Variants in PSD observed in about 807,000 individuals in gnomAD.
PSD encodes PH and SEC7 domain-containing protein 1.
In PSD, 32 loss-of-function variants were observed where a neutral mutation model predicts 91.6. That is an observed-to-expected ratio of 0.35 (90% confidence interval 0.26 to 0.47). The LOEUF is 0.47. Among genes scored for constraint, PSD ranks in the 20% least tolerant of loss-of-function variants. The probability of loss-of-function intolerance (pLI) is 1.00; values close to 1 mark genes in which losing one functional copy is unlikely to be tolerated. For synonymous variants in PSD, 532 were observed against 569.3 expected, an observed-to-expected ratio of 0.93 and a Z score of 0.93; for missense variants, 1,099 against 1,373.9, an observed-to-expected ratio of 0.80 and a Z score of 3.16.
rs201058335 is a variant in PSD at position 102,403,252 on chromosome 10, C to T, written c.3023G>A (p.Arg1008His). ...CCCTGGCCGAGGCTCTGAGCTGTGA[C>T]GCTGAGCCCGGGGCTGGCTGGAGGG... is the stretch of plus-strand genomic sequence containing the variant. ...PKPSSQPRAQ[R>H]HSSEPRPGAG... The change falls in exon 17 of 17, where the codon CGT becomes CAT. Residue 1008 changes from arginine (R) to histidine (H), a missense_variant. Physicochemically the swap from Arg to His is conservative, Grantham distance 29 (BLOSUM62 0). Transcript: ENST00000020673. This position sits in a 1 kb window ranked among gnomAD's most constrained non-coding sequence, Gnocchi z 6.7. 3.8e-5 allele frequency: 61 copies of T among 1,606,564 alleles called. No individual in the cohort carries two copies. Among genetic ancestry groups the T allele is most frequent in the Non-Finnish European group, 5.1e-5 (60 of 1,175,200 alleles).
Position 102,416,835 on chromosome 10 carries a change from T to C in PSD, c.204A>G (p.Thr68=), listed in dbSNP as rs1164160936. The C allele has an allele frequency of 6.3e-7, 1 of 1,599,252 alleles. No homozygotes were observed. The highest frequency in any genetic ancestry group is 8.5e-7 in the Non-Finnish European group (1 of 1,172,906). ...GGGGTGAGGGGGGGCCACGCAGAGG[T>C]GTACAGGGTGCTGTCACACGTCCCA... ...RELGRVTAPC[T]PLRGPPSPRV... Residue 68 remains threonine (T), a synonymous_variant, in exon 2 of 17, where the codon ACA becomes ACG. Transcript: ENST00000020673. The surrounding 1 kb of genome is among the most constrained non-coding windows in gnomAD (Gnocchi z 6.0).
chr10:102,403,185 A>G lies in PSD; in HGVS notation c.*15T>C, dbSNP rs2061304859. Reference sequence around the variant, plus strand: ...TTCAGGTGCCCAGCAGGCACTCCCCACCCTAAACCTCATCTCAGGGCTTCC... The same window carrying G: ...TTCAGGTGCCCAGCAGGCACTCCCCGCCCTAAACCTCATCTCAGGGCTTCC... On this transcript the variant is annotated 3_prime_UTR_variant, in exon 17 of 17. Coordinates refer to ENST00000020673, the MANE Select transcript of PSD (RefSeq NM_002779.5). This position sits in a 1 kb window ranked among gnomAD's most constrained non-coding sequence, Gnocchi z 6.7. 2 of 1,488,522 alleles carry G rather than the reference A, an allele frequency of 1.3e-6. No individual in the cohort carries two copies. Among genetic ancestry groups the G allele is most frequent in the East Asian group, 2.4e-5 (1 of 40,868 alleles). The allele number at this position is 1,488,522 out of a possible 1,614,324, so 92.2% of individuals were successfully genotyped here. A position where few individuals can be genotyped will look rare whatever the true frequency, so the allele number is the denominator to read the frequency against.
chr10:102,418,355 G>A (rs1266103601), intron 1 of PSD, among the ~76,000 whole-genome samples: 1 of 152,078 alleles, frequency 6.6e-6, no homozygotes, highest in African/African-American at 2.4e-5. Flanking sequence ...AGGTCCAGGT[G>A]TATCAGACAC....
rs2061420482 is a variant in PSD at position 102,411,112 on chromosome 10, G to A, written c.1947C>T (p.Gly649=). The change falls in exon 9 of 17, where the codon GGC becomes GGT. Residue 649 remains glycine, a synonymous_variant. Coordinates refer to ENST00000020673, the MANE Select transcript of PSD (RefSeq NM_002779.5). Reference sequence around the variant, plus strand: ...TGAGCGCACAGGTCAGCGTGTGGGCGCCGTCTAGGGGAGAGCTGACTTTCA... The same window carrying A: ...TGAGCGCACAGGTCAGCGTGTGGGCACCGTCTAGGGGAGAGCTGACTTTCA... ...CNPEALSSED[G]AHTLTCALML... The A allele has an allele frequency of 1.9e-6, 3 of 1,607,998 alleles. No homozygotes were observed. The South Asian group carries it at 3.3e-5, about 18-fold the overall frequency.
chr10:102,407,301 G>A (rs769800499), intron 10 of PSD, 35 bp from the exon 11 acceptor site: 1 of 1,448,306 alleles, frequency 6.9e-7, no homozygotes, highest in Non-Finnish European at 9.4e-7. Context: ...GGGGGTTGTG[G>A]GTCAGTACCG....
At chr10:102,407,479 C>G (rs2061375758) in intron 10 of PSD, among the ~76,000 whole-genome samples, 1 of 152,192 alleles carries the variant, frequency 6.6e-6, no homozygotes, top group African/African-American at 2.4e-5. Context: ...TGGAGAGGAA[C>G]AAACGTAGTA....
chr10:102,415,275 C>A, intron 3 of PSD, 46 bp from the exon 4 acceptor site: 1 of 1,541,224 alleles, frequency 6.5e-7, no homozygotes, highest in Non-Finnish European at 8.8e-7. Flanking sequence ...TCCACGTCAG[C>A]TCCCTGTCCT....
rs1344049857 is a variant in PSD at position 102,416,705 on chromosome 10, T to C, written c.334A>G (p.Arg112Gly). The change falls in exon 2 of 17, where the codon AGG becomes GGG. Residue 112 changes from arginine (R) to glycine (G), a missense_variant. Around this residue, in one of 3 missense-constraint regions of PSD, gnomAD observed 631 missense variants for 728.8 expected, o/e 0.87. Transcript: ENST00000020673. This position sits in a 1 kb window ranked among gnomAD's most constrained non-coding sequence, Gnocchi z 6.0. ...IFRFVEKASV[R>G]PLNGLPAPGG... ...GGAGCAGGTAGCCCATTCAGTGGCC[T>C]CACACTGGCCTTCTCCACAAAGCGG... 6.2e-7 allele frequency: 1 copy of C among 1,603,454 alleles called. No homozygotes were observed. The highest frequency in any genetic ancestry group is 1.7e-5 in the Admixed American group (1 of 58,452).
Position 102,416,907 on chromosome 10 carries a change from G to A in PSD, c.132C>T (p.Gly44=). The change falls in exon 2 of 17, where the codon GGC becomes GGT. Residue 44 remains glycine, a synonymous_variant. Transcript: ENST00000020673. This position sits in a 1 kb window ranked among gnomAD's most constrained non-coding sequence, Gnocchi z 6.0. Reference sequence around the variant, plus strand: ...GACCTGCCACTCGCCGTAGCAAGGAGCCTGTGCTGCCATACATGCTGGCTG... The same window carrying A: ...GACCTGCCACTCGCCGTAGCAAGGAACCTGTGCTGCCATACATGCTGGCTG... ...SPPASMYGST[G]SLLRRVAGPG... 1 of 1,607,920 alleles carries A rather than the reference G, an allele frequency of 6.2e-7. No individual in the cohort carries two copies. The highest frequency in any genetic ancestry group is 1.7e-4 in the Middle Eastern group (1 of 6,012).
Position 102,414,328 on chromosome 10 carries a change from A to C in PSD, c.1125-131T>G. The C allele has an allele frequency of 4.3e-6, 4 of 922,978 alleles. No homozygotes were observed. The highest frequency in any genetic ancestry group is 6.4e-6 in the Non-Finnish European group (4 of 623,118). The allele number at this position is 922,978 out of a possible 1,614,324, so 57.2% of individuals were successfully genotyped here. A position where few individuals can be genotyped will look rare whatever the true frequency, so the allele number is the denominator to read the frequency against. ...TTTCACTGGCTCCAGCCCACTAACA[A>C]AAAAGAGCCTCTAGGGTAGGGCGCC... On this transcript the variant is annotated intron_variant, in intron 4 of 16. Transcript: ENST00000020673. The surrounding 1 kb of genome is among the most constrained non-coding windows in gnomAD (Gnocchi z 5.6).
At position 102,403,375 on chromosome 10, in the gene PSD, C is replaced by A. The variant is rs767005381; in HGVS notation, c.2900G>T (p.Ser967Ile). 6.2e-7 allele frequency: 1 copy of A among 1,613,918 alleles called. No homozygotes were observed. The highest frequency in any genetic ancestry group is 8.5e-7 in the Non-Finnish European group (1 of 1,180,022). ...ALLRVKLKAG[S>I]EELDAVEAAL... The stretch of plus-strand genomic sequence containing the variant: ...TGCCTCCACTGCATCCAGCTCCTCA[C>A]TGCCTGCCTTCAGCTTGACCCGAAG... The change falls in exon 17 of 17, where the codon AGT (serine) becomes ATT (isoleucine). Residue 967 changes from serine to isoleucine, a missense_variant. By Grantham distance (142) the Ser-to-Ile change is moderately radical (BLOSUM62 -2). Coordinates refer to ENST00000020673, the MANE Select transcript of PSD (RefSeq NM_002779.5). The surrounding 1 kb of genome is among the most constrained non-coding windows in gnomAD (Gnocchi z 6.7).
At chr10:102,417,404 C>G (rs759500737) in intron 1 of PSD, among the ~76,000 whole-genome samples, 21 of 152,064 alleles carry the variant, frequency 1.4e-4, no homozygotes, top group African/African-American at 5.1e-4. Context: ...TGAGTGAGCC[C>G]GGAGTTCTTA....
rs550175438 is a variant in PSD, at chr10:102,404,131, G to C, written c.2701-146C>G. 2.1e-6 allele frequency: 2 copies of C among 944,068 alleles called. No individual in the cohort carries two copies. Among genetic ancestry groups the C allele is most frequent in the Non-Finnish European group, 3.0e-6 (2 of 664,262 alleles). 58.5% of individuals were successfully genotyped at this position (944,068 alleles called of 1,614,324 possible). ...TGGGAGGCCAAGGCGGGCGGATCAC[G>C]AGGTCAGGAGATCGAGACCATCCTG... On this transcript the variant is annotated intron_variant, in intron 15 of 16. Coordinates refer to ENST00000020673, the MANE Select transcript of PSD (RefSeq NM_002779.5). The surrounding 1 kb of genome is among the most constrained non-coding windows in gnomAD (Gnocchi z 5.7).
In PSD at chr10:102,415,018, G is replaced by A; in HGVS notation, c.969C>T (p.Gly323=). Residue 323 remains glycine (G), a synonymous_variant, in exon 4 of 17, where the codon GGC becomes GGT. Transcript: ENST00000020673. ...SAIESQPSSE[G]PPGTAYPPAP... is the part of the protein sequence containing the mutation. The stretch of plus-strand genomic sequence containing the variant: ...CAGGTGGGTAGGCAGTGCCTGGTGG[G>A]CCCTCAGAGCTGGGCTGACTTTCGA... The A allele has an allele frequency of 6.2e-7, 1 of 1,611,704 alleles. No homozygotes were observed. The highest frequency in any genetic ancestry group is 8.5e-7 in the Non-Finnish European group (1 of 1,178,322).
In PSD at chr10:102,416,007, C is replaced by T. The variant is rs774785174; in HGVS notation, c.757+10G>A. 7 of 1,608,776 alleles carry T rather than the reference C, an allele frequency of 4.4e-6. No individual in the cohort carries two copies. The Middle Eastern group carries it at 5.0e-4, about 114-fold the overall frequency. On this transcript the variant is annotated intron_variant, in intron 3 of 16. Coordinates refer to ENST00000020673, the MANE Select transcript of PSD (RefSeq NM_002779.5). This position sits in a 1 kb window ranked among gnomAD's most constrained non-coding sequence, Gnocchi z 6.0. ...TGCCCTGTTCTCCCTGCCTCAGTCC[C>T]AGGCCTTACCTGAGCTGGGGGGGTC...
chr10:102,411,629 C>T (rs1355481906), intron 8 of PSD, 78 bp downstream of exon 8: 4 of 1,045,398 alleles, frequency 3.8e-6, no homozygotes, highest in East Asian at 5.1e-5. Context: ...CACTCATGCT[C>T]CTGTACACAC....
intron 5 of PSD, among the ~76,000 whole-genome samples, chr10:102,413,529 G>A (rs1214309433): frequency 6.6e-6 from 1 of 152,106 alleles, no homozygotes; most frequent in Non-Finnish European, 1.5e-5. Context: ...ATCCTTCAAT[G>A]CTGAATCATG....
Position 102,418,744 on chromosome 10 carries a change from G to A in PSD, c.-127C>T. ...GAGACCGAGGAGAGACAGAGGAGAG[G>A]CTGGGCCCAGCTGAGCTGTGAAGGC... On this transcript the variant is annotated 5_prime_UTR_variant, in exon 1 of 17. Coordinates refer to ENST00000020673, the MANE Select transcript of PSD (RefSeq NM_002779.5). 2.2e-6 allele frequency: 1 copy of A among 455,824 alleles called. No individual in the cohort carries two copies. The highest frequency in any genetic ancestry group is 4.4e-6 in the Non-Finnish European group (1 of 226,672). The allele number at this position is 455,824 out of a possible 1,614,324, so 28.2% of individuals were successfully genotyped here.
At position 102,414,047 on chromosome 10, in the gene PSD, C is replaced by A. The variant is rs372853632; in HGVS notation, c.1275G>T (p.Ser425=). ...AKGTSYTSLA[S]LEALASPGPT... The stretch of plus-strand genomic sequence containing the variant: ...GGCCAGGTGAGGCCAAGGCCTCCAG[C>A]GAGGCGAGGCTGGTATAGGAGGTGC... Residue 425 remains serine (S), a synonymous_variant, in exon 5 of 17, where the codon TCG becomes TCT. Coordinates refer to ENST00000020673, the MANE Select transcript of PSD (RefSeq NM_002779.5). This position sits in a 1 kb window ranked among gnomAD's most constrained non-coding sequence, Gnocchi z 5.6. The A allele has an allele frequency of 4.8e-5, 78 of 1,613,894 alleles. No individual in the cohort carries two copies. Among genetic ancestry groups the A allele is most frequent in the Non-Finnish European group, 6.4e-5 (75 of 1,179,914 alleles).
Sources: gnomAD v4.1 joint callset for allele counts (sites outside exome capture counted in the v4.1 genomes callset) on GRCh38, gnomAD v4.1.1 for gene constraint, gnomAD v4.1.1 regional missense constraint, Gnocchi (gnomAD v3.1) non-coding constraint, MANE v1.5 for transcripts, NCBI Gene and HGNC (gene_info 2026-07-23, HGNC 2026-07-21) for gene names.